The following FBXO42 variants were observed in gnomAD, a reference collection of about 807,000 sequenced individuals.
FBXO42 encodes F-box only protein 42.
FBXO42 carries 12 observed loss-of-function variants against 71.7 expected under a neutral mutation model. The ratio of observed to expected loss-of-function variants is 0.17; its 90% CI spans 0.11 to 0.27. The LOEUF (loss-of-function observed/expected upper bound fraction) is 0.27. Among genes scored for constraint, FBXO42 ranks in the 10% least tolerant of loss-of-function variants. The pLI is 1.00. For synonymous variants in FBXO42, 325 were observed against 327.5 expected, an observed-to-expected ratio of 0.99 and a Z score of 0.08; for missense variants, 707 against 911.9, an observed-to-expected ratio of 0.78 and a Z score of 2.89.
At chr1:16,260,473 T>TG (rs1448767396) in intron 4 of FBXO42, among the ~76,000 whole-genome samples, 2 of 152,056 alleles carry the variant, frequency 1.3e-5, no homozygotes, top group Admixed American at 1.3e-4. Context: ...CCTCCCAAAG[T>TG]GCTAGGATTA....
At chr1:16,303,971 T>TTG (rs2082223985) in intron 3 of FBXO42, among the ~76,000 whole-genome samples, 1 of 152,076 alleles carries the variant, frequency 6.6e-6, no homozygotes. Flanking sequence ...CAAGATGGAA[T>TTG]TGTTCATATT....
intron 4 of FBXO42, among the ~76,000 whole-genome samples, chr1:16,285,732 C>T (rs183063497): frequency 2.1e-4 from 32 of 152,300 alleles, no homozygotes; most frequent in East Asian, 1.2e-3. Flanking sequence ...TTCCTGGAAA[C>T]GCTTTCCTCA....
intron 1 of FBXO42, among the ~76,000 whole-genome samples, chr1:16,338,484 T>G (rs1016775793): frequency 8.5e-5 from 13 of 152,166 alleles, no homozygotes; most frequent in Non-Finnish European, 1.5e-4. Context: ...CCTGCTTTGA[T>G]GCTGGGCATT....
chr1:16,350,757 A>AGAAAG (rs1553156684), intron 1 of FBXO42, among the ~76,000 whole-genome samples: 23 of 44,270 alleles, frequency 5.2e-4, no homozygotes, highest in Non-Finnish European at 8.6e-4. Flanking sequence ...AAAAAAAAAA[A>AGAAAG]AAAGAAAGAA....
Position 16,256,706 on chromosome 1 carries a change from G to A in FBXO42, c.556C>T (p.Leu186=). The A allele has an allele frequency of 6.2e-7, 1 of 1,614,210 alleles. No individual in the cohort carries two copies. The highest frequency in any genetic ancestry group is 8.5e-7 in the Non-Finnish European group (1 of 1,180,024). Residue 186 remains leucine, a synonymous_variant, in exon 5 of 10, where the codon CTA becomes TTA. Transcript: ENST00000375592. ...GATLVVYKDL[L]VLFGGWTRPS... is the part of the protein sequence containing the mutation. ...CGCGTCCAGCCACCAAACAGCACTA[G>A]CAAGTCCTTGTACACGACCAGAGTT... is the stretch of plus-strand genomic sequence containing the variant.
intron 1 of FBXO42, among the ~76,000 whole-genome samples, chr1:16,340,329 T>G (rs2082590397): frequency 6.6e-6 from 1 of 152,164 alleles, no homozygotes; most frequent in Non-Finnish European, 1.5e-5. Context: ...TAGTACTTTT[T>G]TTTTTTGAGA....
chr1:16,318,604 G>A (rs1288696316), intron 1 of FBXO42, among the ~76,000 whole-genome samples: 1 of 152,104 alleles, frequency 6.6e-6, no homozygotes, highest in Admixed American at 6.6e-5. Context: ...CAAAGTCTGA[G>A]GTAAAACCAG....
intron 1 of FBXO42, among the ~76,000 whole-genome samples, chr1:16,333,090 G>GT (rs1275816817): frequency 6.6e-6 from 1 of 152,046 alleles, no homozygotes; most frequent in African/African-American, 2.4e-5. Context: ...ACTCTGCCAC[G>GT]TAAGAGTTAC....
rs771031066 is a variant in FBXO42, at chr1:16,251,398, G to A, written c.1426C>T (p.Leu476=). 7 of 1,613,998 alleles carry A rather than the reference G, an allele frequency of 4.3e-6. No homozygotes were observed. In the African/African-American group the frequency reaches 8.0e-5, roughly 18 times the overall value. The change falls in exon 10 of 10, where the codon CTG becomes TTG. Residue 476 remains leucine, a synonymous_variant. Transcript: ENST00000375592. This position sits in a 1 kb window ranked among gnomAD's most constrained non-coding sequence, Gnocchi z 4.5. Reference sequence around the variant, plus strand: ...GGGGCCAAAGAAAGTCCTATTTTCAGGTCGTATCCTTCAGGAGCAGATGGA... The same window carrying A: ...GGGGCCAAAGAAAGTCCTATTTTCAAGTCGTATCCTTCAGGAGCAGATGGA... ...STPSAPEGYD[L]KIGLSLAPRR...
chr1:16,301,803 T>C (rs1442463433), intron 3 of FBXO42, among the ~76,000 whole-genome samples: 1 of 151,960 alleles, frequency 6.6e-6, no homozygotes, highest in Non-Finnish European at 1.5e-5. Context: ...CAGCTTAAAA[T>C]ATATACATAT....
chr1:16,278,345 GA>G (rs1213834032), intron 4 of FBXO42, among the ~76,000 whole-genome samples: 4 of 148,352 alleles, frequency 2.7e-5, no homozygotes, highest in African/African-American at 1.0e-4. Flanking sequence ...CAACAAGAGC[GA>G]AACTCCATCT....
At chr1:16,312,373 A>G (rs2082321413) in intron 2 of FBXO42, among the ~76,000 whole-genome samples, 1 of 152,130 alleles carries the variant, frequency 6.6e-6, no homozygotes, top group Non-Finnish European at 1.5e-5. Flanking sequence ...AAAAATAAGG[A>G]GGAAACTTAA....
chr1:16,320,149 C>T (rs1368839000), intron 1 of FBXO42, among the ~76,000 whole-genome samples: 1 of 151,904 alleles, frequency 6.6e-6, no homozygotes, highest in Non-Finnish European at 1.5e-5. Flanking sequence ...CACCTGAGGT[C>T]AGGAGTTCAA....
intron 4 of FBXO42, among the ~76,000 whole-genome samples, chr1:16,285,867 T>C (rs150522421): frequency 3.2e-4 from 48 of 152,180 alleles, no homozygotes; most frequent in African/African-American, 1.2e-3. Flanking sequence ...ATTCTCTTTT[T>C]TGTTTTTGTT....
At chr1:16,331,732 A>C (rs577399452) in intron 1 of FBXO42, among the ~76,000 whole-genome samples, 63 of 150,274 alleles carry the variant, frequency 4.2e-4, no homozygotes, top group Non-Finnish European at 7.4e-4. Context: ...ACAGAGCAAG[A>C]CTCAGTCTCA....
Position 16,339,858 on chromosome 1 carries a change from G to A in FBXO42, c.-18+12397C>T, listed in dbSNP as rs542200582. Among the ~76,000 whole-genome samples the A allele has an allele frequency of 4.6e-5, 7 of 152,276 alleles. No homozygotes were observed. The South Asian group carries it at 1.5e-3, about 32-fold the overall frequency. ...TAGTCCCAGCTACTTGTGAGTCTGA[G>A]GTAGAGGATCACTTAGCCTGGGAAA... On this transcript the variant is annotated intron_variant, in intron 1 of 9. Transcript: ENST00000375592.
chr1:16,299,301 G>A (rs1448221229), intron 3 of FBXO42, among the ~76,000 whole-genome samples: 2 of 151,982 alleles, frequency 1.3e-5, no homozygotes, highest in African/African-American at 2.4e-5. Flanking sequence ...ACGAGCCACC[G>A]CACCCAGCCC....
At chr1:16,278,376 C>A (rs2081927418) in intron 4 of FBXO42, among the ~76,000 whole-genome samples, 1 of 151,498 alleles carries the variant, frequency 6.6e-6, no homozygotes, top group Admixed American at 6.6e-5. Flanking sequence ...AAACAAAAAA[C>A]AAAACAAAAA....
chr1:16,282,254 C>A (rs2081972340), intron 4 of FBXO42, among the ~76,000 whole-genome samples: 1 of 147,358 alleles, frequency 6.8e-6, no homozygotes, highest in African/African-American at 2.5e-5. Flanking sequence ...GAGACAGAGT[C>A]TCACTCTGTC....
Sources: gnomAD v4.1 joint callset for allele counts (sites outside exome capture counted in the v4.1 genomes callset) on GRCh38, gnomAD v4.1.1 for gene constraint, Gnocchi (gnomAD v3.1) non-coding constraint, MANE v1.5 for transcripts, NCBI Gene and HGNC (gene_info 2026-07-23, HGNC 2026-07-21) for gene names.